Variants in SHPRH observed in about 807,000 individuals in gnomAD.
SHPRH encodes the protein SNF2 histone linker PHD RING helicase, also known as E3 ubiquitin-protein ligase SHPRH.
Under a neutral mutation model 202.5 loss-of-function variants are expected in SHPRH, and 106 were observed. The ratio of observed to expected loss-of-function variants is 0.52; its 90% CI spans 0.45 to 0.62. SHPRH has a LOEUF of 0.62. Among genes scored for constraint, SHPRH ranks in the 20% least tolerant of loss-of-function variants. The pLI is 0.00. For missense variants in SHPRH, 1,710 were observed against 2,020.0 expected (o/e 0.85, Z 2.94); for synonymous variants, 729 against 686.0 (o/e 1.06, Z -0.98).
chr6:145,964,284 T>C lies in SHPRH; in HGVS notation c.-586A>G, dbSNP rs1306067547. ...GGCTTGAGGTGGGCACGAGCGCTTT[T>C]TGCCGGAACGTGTAGGGGTCCCCCG... On this transcript the variant is annotated 5_prime_UTR_variant, in exon 1 of 30. Coordinates refer to ENST00000275233, the MANE Select transcript of SHPRH (RefSeq NM_001042683.3). 1.3e-5 allele frequency: 2 copies of C among 152,032 alleles called. No individual in the cohort carries two copies. The highest frequency in any genetic ancestry group is 2.9e-5 in the Non-Finnish European group (2 of 68,034). 9.4% of individuals were successfully genotyped at this position (152,032 alleles called of 1,614,324 possible).
At chr6:145,907,800 C>T (rs1783105001) in intron 25 of SHPRH, 1 of 141,112 alleles carries the variant, frequency 7.1e-6, no homozygotes, top group Non-Finnish European at 1.5e-5. Flanking sequence ...CAAAACAAAA[C>T]AAAACAAAAC....
intron 14 of SHPRH, among the ~76,000 whole-genome samples, chr6:145,931,153 T>C (rs1232936145): frequency 5.3e-5 from 8 of 152,108 alleles, no homozygotes; most frequent in African/African-American, 1.2e-4. Flanking sequence ...AGAGAACATA[T>C]TGATGGTTAT....
intron 15 of SHPRH, among the ~76,000 whole-genome samples, chr6:145,926,661 T>C (rs1352915489): frequency 2.6e-5 from 4 of 151,934 alleles, no homozygotes; most frequent in African/African-American, 9.7e-5. Context: ...GACTCAAACC[T>C]AAACTTGCCA....
intron 2 of SHPRH, among the ~76,000 whole-genome samples, chr6:145,878,459 C>T (rs965879330): frequency 6.6e-6 from 1 of 152,204 alleles, no homozygotes; most frequent in Non-Finnish European, 1.5e-5. Context: ...ATTCCTTCCT[C>T]CTCTCCAAAC....
At chr6:145,890,701 C>A (rs1562287378) in intron 28 of SHPRH, among the ~76,000 whole-genome samples, 3 of 152,120 alleles carry the variant, frequency 2.0e-5, no homozygotes, top group African/African-American at 7.2e-5. Flanking sequence ...TGGACTTGTA[C>A]ATCTAGTTAC....
At chr6:145,908,607 G>T (rs1245665087) in intron 25 of SHPRH, 1 of 151,958 alleles carries the variant, frequency 6.6e-6, no homozygotes, top group African/African-American at 2.4e-5. Flanking sequence ...TGATGGGGTT[G>T]TTTTTTTCTT....
chr6:145,867,659 G>A (rs1779859792), intron 2 of SHPRH, among the ~76,000 whole-genome samples: 1 of 141,754 alleles, frequency 7.1e-6, no homozygotes, highest in South Asian at 2.3e-4. Flanking sequence ...GAGAGAGAGA[G>A]AGAGAGAGAG....
At chr6:145,871,726 C>G (rs1379318249) in intron 2 of SHPRH, among the ~76,000 whole-genome samples, 1 of 152,066 alleles carries the variant, frequency 6.6e-6, no homozygotes, top group Non-Finnish European at 1.5e-5. Context: ...CAAAAAAGAG[C>G]CTGAATACTG....
At chr6:145,883,383 G>C (rs1780729852), downstream of SHPRH, 1 of 152,244 alleles carries the variant, frequency 6.6e-6, no homozygotes, top group African/African-American at 2.4e-5. Context: ...GACAGGGGAA[G>C]GCTGGAGATG....
At chr6:145,863,213 T>C (rs1421660465), downstream of SHPRH, among the ~76,000 whole-genome samples, 1 of 152,200 alleles carries the variant, frequency 6.6e-6, no homozygotes, top group Non-Finnish European at 1.5e-5. Flanking sequence ...TGAAGATCTA[T>C]GGAATTACTA....
chr6:145,906,127 T>C (rs1782936845), intron 25 of SHPRH: 1 of 152,000 alleles, frequency 6.6e-6, no homozygotes, highest in African/African-American at 2.4e-5. Flanking sequence ...GAGCATTAGT[T>C]CTCATTTGTG....
At chr6:145,878,276 T>G (rs1377621316) in intron 2 of SHPRH, among the ~76,000 whole-genome samples, 1 of 152,200 alleles carries the variant, frequency 6.6e-6, no homozygotes, top group Non-Finnish European at 1.5e-5. Context: ...ACATCACAGT[T>G]GTACATTTGT....
Position 145,918,160 on chromosome 6 carries a change from G to A in SHPRH, c.4225C>T (p.Gln1409Ter). ...ATSQLQKKLG[Q>*]LLYLTNLEKS... ...TCCAAATTAGTTAGGTAAAGAAGCT[G>A]CCCAAGTTTTTTCTGAAGCTGTGAT... The change falls in exon 23 of 30, where the codon CAG (glutamine) becomes TAG (stop). Residue 1409 changes from glutamine to a stop codon, truncating the protein, a stop_gained. Coordinates refer to ENST00000275233, the MANE Select transcript of SHPRH (RefSeq NM_001042683.3). LOFTEE classifies it high-confidence loss of function. The A allele has an allele frequency of 1.2e-6, 2 of 1,606,382 alleles. No homozygotes were observed. Among genetic ancestry groups the A allele is most frequent in the Non-Finnish European group, 1.7e-6 (2 of 1,176,312 alleles).
intron 2 of SHPRH, 35 bp from the exon 3 acceptor site, chr6:145,952,513 T>C (rs1379777159): frequency 6.3e-7 from 1 of 1,581,434 alleles, no homozygotes; most frequent in Non-Finnish European, 8.6e-7. Context: ...AGTAGTTTCA[T>C]TTGAAATATA....
downstream of SHPRH, among the ~76,000 whole-genome samples, chr6:145,861,277 G>A (rs79955541): frequency 0.063 from 9,518 of 151,964 alleles, 440 homozygotes; most frequent in Non-Finnish European, 0.1. Flanking sequence ...TTTAAAAATG[G>A]GCAAAGGACC....
At chr6:145,946,948 T>G (rs1046273348) in intron 6 of SHPRH, among the ~76,000 whole-genome samples, 13 of 152,050 alleles carry the variant, frequency 8.5e-5, no homozygotes, top group African/African-American at 2.9e-4. Flanking sequence ...ATATGAGCTA[T>G]ATACTATATT....
chr6:145,862,313 G>C (rs921773491), downstream of SHPRH, among the ~76,000 whole-genome samples: 1 of 152,020 alleles, frequency 6.6e-6, no homozygotes, highest in East Asian at 1.9e-4. Flanking sequence ...AATTAGCCGG[G>C]CGCGGTGGCG....
chr6:145,922,915 C>A, intron 18 of SHPRH, 79 bp from the exon 19 acceptor site: 1 of 1,423,344 alleles, frequency 7.0e-7, no homozygotes, highest in Non-Finnish European at 9.2e-7. Flanking sequence ...AGAATGGTTG[C>A]CAAACAAAGT....
In SHPRH at chr6:145,950,451, C is replaced by T. The variant is rs778500397; in HGVS notation, c.795G>A (p.Glu265=). ...CAATGTCTTGTCCCTCTGGCTCACT[C>T]TCCGGATCATCTTCATCCTCTTCCA... The part of the protein sequence containing the change: ...DVLEEDEDDP[E]SEPEGQDIDE... Residue 265 remains glutamate (E), a synonymous_variant, in exon 4 of 30, where the codon GAG becomes GAA. Coordinates refer to ENST00000275233, the MANE Select transcript of SHPRH (RefSeq NM_001042683.3). 2 of 1,612,964 alleles carry T rather than the reference C, an allele frequency of 1.2e-6. No homozygotes were observed. Among genetic ancestry groups the T allele is most frequent in the Non-Finnish European group, 1.7e-6 (2 of 1,179,298 alleles).
Sources: gnomAD v4.1 joint callset for allele counts (sites outside exome capture counted in the v4.1 genomes callset) on GRCh38, gnomAD v4.1.1 for gene constraint, MANE v1.5 for transcripts, NCBI Gene and HGNC (gene_info 2026-07-23, HGNC 2026-07-21) for gene names.